DSC2: variants seen among roughly 807,000 people sequenced by gnomAD.
The protein encoded by DSC2 is desmocollin 2.
In DSC2, 51 loss-of-function variants were observed where a neutral mutation model predicts 87.6. That is an observed-to-expected ratio of 0.58 (90% CI 0.46 to 0.74). DSC2 has a LOEUF of 0.74. DSC2 is among the 30% of genes least tolerant of loss of function. The pLI, the probability that DSC2 is intolerant of heterozygous loss-of-function variation, is 0.00. For missense variants in DSC2, 1,066 were observed against 1,089.5 expected (o/e 0.98, Z 0.30); for synonymous variants, 383 against 393.2 (o/e 0.97, Z 0.31).
intron 1 of DSC2, among the ~76,000 whole-genome samples, chr18:31,100,455 C>T (rs370502534): frequency 4.6e-5 from 7 of 152,178 alleles, no homozygotes; most frequent in African/African-American, 1.4e-4. Flanking sequence ...TTATTTCTTA[C>T]TCATCAACAT....
chr18:31,101,301 C>T lies in DSC2; in HGVS notation c.69+602G>A, dbSNP rs531988636. 208 of 960,948 alleles carry T rather than the reference C, an allele frequency of 2.2e-4. 3 individuals are homozygous for T. In the African/African-American group the frequency reaches 3.4e-3, roughly 16 times the overall value. The allele number at this position is 960,948 out of a possible 1,614,324, so 59.5% of individuals were successfully genotyped here. ...ACCCGCCACTTCCCCCCGCCCTTCT[C>T]TCAGAGTAAACAATTCCCAGAAAGG... On this transcript the variant is annotated intron_variant, in intron 1 of 15. Coordinates refer to ENST00000280904, the MANE Select transcript of DSC2 (RefSeq NM_024422.6).
At chr18:31,092,696 C>A (rs1462506340) in intron 2 of DSC2, among the ~76,000 whole-genome samples, 1 of 152,078 alleles carries the variant, frequency 6.6e-6, no homozygotes, top group African/African-American at 2.4e-5. Flanking sequence ...TTACTAAATT[C>A]TTTACATCTA....
chr18:31,101,847 T>G, intron 1 of DSC2, 56 bp downstream of exon 1: 1 of 1,294,480 alleles, frequency 7.7e-7, no homozygotes, highest in Non-Finnish European at 1.0e-6. Context: ...CTAGTTTTCC[T>G]CTGCACCCTA....
At chr18:31,101,601 C>A (rs1192973275) in intron 1 of DSC2, 2 of 373,658 alleles carry the variant, frequency 5.4e-6, no homozygotes, top group African/African-American at 2.2e-5. Flanking sequence ...CCCTGCTCCC[C>A]GGCGCGTACC....
At chr18:31,092,415 G>A (rs1266173224) in intron 2 of DSC2, 115 bp from the exon 3 acceptor site, 3 of 848,762 alleles carry the variant, frequency 3.5e-6, no homozygotes, top group African/African-American at 1.7e-5. Flanking sequence ...ACTGACACTT[G>A]TAAATTTTTG....
At chr18:31,070,443 C>T (rs1200566947) in intron 14 of DSC2, among the ~76,000 whole-genome samples, 1 of 152,066 alleles carries the variant, frequency 6.6e-6, no homozygotes, top group Admixed American at 6.6e-5. Context: ...GAAATATATA[C>T]AAAAGACAAG....
chr18:31,086,503 C>A (rs556930927), intron 7 of DSC2, 73 bp downstream of exon 7: 2 of 1,555,078 alleles, frequency 1.3e-6, no homozygotes, highest in Admixed American at 1.7e-5. Flanking sequence ...TTTTCAAAAA[C>A]ACATCTACAG....
Position 31,074,842 on chromosome 18 carries a change from T to C in DSC2, c.1729A>G (p.Ile577Val), listed in dbSNP as rs201845641. 515 of 1,613,872 alleles carry C rather than the reference T, an allele frequency of 3.2e-4. No individual in the cohort carries two copies. Among genetic ancestry groups the C allele is most frequent in the Non-Finnish European group, 4.1e-4 (486 of 1,179,980 alleles). The change falls in exon 12 of 16, where the codon ATA (isoleucine) becomes GTA (valine). Residue 577 changes from isoleucine to valine, a missense_variant. By Grantham distance (29) the Ile-to-Val change is conservative. Transcript: ENST00000280904. Reference protein sequence around the residue: ...LQDVNDNSPFIPKKTVIICKP... With the variant: ...LQDVNDNSPFVPKKTVIICKP... ...CAGATGATCACTGTCTTTTTAGGTA[T>C]GAATGGGCTGTTATCATTCACGTCT...
rs1382556809 is a variant in DSC2 at position 31,090,885 on chromosome 18, A to G, written c.474+143T>C. The stretch of plus-strand genomic sequence containing the variant: ...TGCAAGTATAAAGAGATATATTTAT[A>G]CCCTTATATGGAAACATATTATACA... On this transcript the variant is annotated intron_variant, in intron 4 of 15. Coordinates refer to ENST00000280904, the MANE Select transcript of DSC2 (RefSeq NM_024422.6). The G allele has an allele frequency of 2.5e-6, 3 of 1,223,918 alleles. No individual in the cohort carries two copies. The African/African-American group carries it at 4.6e-5, about 19-fold the overall frequency. The allele number at this position is 1,223,918 out of a possible 1,614,324, so 75.8% of individuals were successfully genotyped here. A position where few individuals can be genotyped will look rare whatever the true frequency, so the allele number is the denominator to read the frequency against.
At chr18:31,076,528 A>G (rs544405357) in intron 11 of DSC2, among the ~76,000 whole-genome samples, 1 of 152,240 alleles carries the variant, frequency 6.6e-6, no homozygotes. Flanking sequence ...TGAAACAGGT[A>G]TGTTTAGAAT....
rs1986841590 is a variant in DSC2 at position 31,071,752 on chromosome 18, T to C, written c.1978A>G (p.Ser660Gly). Residue 660 changes from serine to glycine, a missense_variant, in exon 13 of 16, where the codon AGT (serine) becomes GGT (glycine). Physicochemically the swap from Ser to Gly is moderately conservative, Grantham distance 56 (BLOSUM62 0). Transcript: ENST00000280904. ...ITVRDRLGMS[S>G]VTSLDVTLCD... ...AGTGTAACATCCAATGAAGTGACAC[T>C]AGACATGCCAAGTCTATCTCTCACT... The C allele has an allele frequency of 6.2e-7, 1 of 1,613,822 alleles. No homozygotes were observed. The highest frequency in any genetic ancestry group is 8.5e-7 in the Non-Finnish European group (1 of 1,179,954).
At chr18:31,100,742 C>A (rs536899821) in intron 1 of DSC2, among the ~76,000 whole-genome samples, 16 of 152,190 alleles carry the variant, frequency 1.1e-4, no homozygotes, top group Non-Finnish European at 2.2e-4. Flanking sequence ...AGGAATTAGC[C>A]TTCCGGGTTC....
At position 31,070,793 on chromosome 18, in the gene DSC2, A is replaced by G. The variant is rs1465735459; in HGVS notation, c.2183T>C (p.Ile728Thr). The G allele has an allele frequency of 6.2e-7, 1 of 1,614,014 alleles. No individual in the cohort carries two copies. Among genetic ancestry groups the G allele is most frequent in the South Asian group, 1.1e-5 (1 of 91,084 alleles). ...ASGTSKQPKVIPDDLAQQNLI... is the reference protein window; with the variant it reads ...ASGTSKQPKVTPDDLAQQNLI... Reference sequence around the variant, plus strand: ...GTTCTGCTGGGCTAAATCATCAGGAATTACTTTTGGTTGTTTAGACGTCCC... The same window carrying G: ...GTTCTGCTGGGCTAAATCATCAGGAGTTACTTTTGGTTGTTTAGACGTCCC... Residue 728 changes from isoleucine (I) to threonine (T), a missense_variant, in exon 14 of 16, where the codon ATT becomes ACT. By Grantham distance (89) the Ile-to-Thr change is moderately conservative. Transcript: ENST00000280904.
Position 31,071,599 on chromosome 18 carries a change from A to G in DSC2, c.2125+6T>C. 6.2e-7 allele frequency: 1 copy of G among 1,612,046 alleles called. No homozygotes were observed. The highest frequency in any genetic ancestry group is 8.5e-7 in the Non-Finnish European group (1 of 1,178,142). On this transcript the variant is annotated splice_donor_region_variant and intron_variant, in intron 13 of 15. Transcript: ENST00000280904. ...ATTTGAATTCAAGAAAGGACTTAAG[A>G]CTTACAAAAGAGCAATGCTATGCCC...
chr18:31,084,110 C>T (rs912620798), intron 7 of DSC2, among the ~76,000 whole-genome samples: 3 of 152,118 alleles, frequency 2.0e-5, no homozygotes, highest in African/African-American at 7.2e-5. Context: ...AATGTTCACC[C>T]TTCTCTTACA....
chr18:31,100,867 C>A (rs950647858), intron 1 of DSC2, among the ~76,000 whole-genome samples: 3 of 151,906 alleles, frequency 2.0e-5, no homozygotes, highest in Non-Finnish European at 4.4e-5. Flanking sequence ...AAAGTCCAAT[C>A]GGACTTTTTA....
chr18:31,095,617 A>G (rs1043044012), intron 1 of DSC2, among the ~76,000 whole-genome samples: 1 of 152,190 alleles, frequency 6.6e-6, no homozygotes, highest in African/African-American at 2.4e-5. Context: ...TTTGAATAAC[A>G]GTATCTTGGA....
intron 15 of DSC2, chr18:31,068,477 T>C (rs1249330324): frequency 1.1e-5 from 11 of 964,034 alleles, no homozygotes; most frequent in Non-Finnish European, 1.8e-5. Context: ...CTACTTTCCC[T>C]TTCAAAATTT....
At chr18:31,087,292 C>CATCT (rs1987431447) in intron 6 of DSC2, among the ~76,000 whole-genome samples, 1 of 152,184 alleles carries the variant, frequency 6.6e-6, no homozygotes, top group South Asian at 2.1e-4. Context: ...TTTAAGACTA[C>CATCT]ATCTCCAATT....
Sources: allele counts gnomAD v4.1 joint callset (sites outside exome capture counted in the v4.1 genomes callset), GRCh38; gene constraint gnomAD v4.1.1; transcripts MANE v1.5; gene names NCBI Gene and HGNC (gene_info 2026-07-23, HGNC 2026-07-21).